The following ADAM28 variants were observed in gnomAD, a reference collection of about 807,000 sequenced individuals.
ADAM28 encodes ADAM metallopeptidase domain 28.
A neutral mutation model predicts 101.2 loss-of-function variants in ADAM28; 105 were observed. The ratio of observed to expected loss-of-function variants is 1.04; its 90% CI spans 0.89 to 1.22. The LOEUF is 1.22. Among genes scored for constraint, ADAM28 ranks in the 50% most tolerant of loss-of-function variants. The probability of loss-of-function intolerance (pLI) is 0.00; values close to 1 mark genes in which losing one functional copy is unlikely to be tolerated. For synonymous variants in ADAM28, 322 were observed against 310.6 expected (o/e 1.04, Z -0.39); for missense variants, 1,028 against 945.4 (o/e 1.09, Z -1.15).
chr8:24,316,072 T>A (rs1811122050), intron 6 of ADAM28, among the ~76,000 whole-genome samples: 1 of 151,148 alleles, frequency 6.6e-6, no homozygotes, highest in Non-Finnish European at 1.5e-5. Flanking sequence ...ATTTATTTAT[T>A]TATTTATTTA....
At position 24,351,313 on chromosome 8, in the gene ADAM28, G is replaced by A. The variant is rs757079663; in HGVS notation, c.2178+3G>A. 38 of 1,612,920 alleles carry A rather than the reference G, an allele frequency of 2.4e-5. No individual in the cohort carries two copies. The South Asian group carries it at 4.1e-4, about 17-fold the overall frequency. ...TAAAGGCTGTTCAACCCCAAGAGGT[G>A]AACTATATAGTCTGGGCTGTGATTA... On this transcript the variant is annotated splice_donor_region_variant and intron_variant, in intron 20 of 22. Transcript: ENST00000265769.
chr8:24,336,249 T>A, intron 14 of ADAM28: 1 of 863,102 alleles, frequency 1.2e-6, no homozygotes, highest in Non-Finnish European at 1.4e-6. Context: ...AATAAAAGTT[T>A]AAAGAGATAT....
At chr8:24,309,800 A>G in intron 2 of ADAM28, 94 bp from the exon 3 acceptor site, 4 of 948,136 alleles carry the variant, frequency 4.2e-6, no homozygotes, top group Admixed American at 4.4e-5. Flanking sequence ...CTGCTAAAAA[A>G]TAGATATTGC....
At chr8:24,325,046 G>A (rs1269895345) in intron 9 of ADAM28, 1 of 151,948 alleles carries the variant, frequency 6.6e-6, no homozygotes, top group Non-Finnish European at 1.5e-5. Flanking sequence ...CATTGAGGGG[G>A]TCACCTTTGG....
chr8:24,335,026 G>C (rs970616580), intron 13 of ADAM28, among the ~76,000 whole-genome samples: 5 of 152,182 alleles, frequency 3.3e-5, no homozygotes, highest in African/African-American at 4.8e-5. Flanking sequence ...GTGCTTGTAA[G>C]CTTATCTCCT....
intron 15 of ADAM28, among the ~76,000 whole-genome samples, chr8:24,339,786 G>A (rs1288778794): frequency 6.6e-6 from 1 of 152,190 alleles, no homozygotes; most frequent in African/African-American, 2.4e-5. Flanking sequence ...GTATCTCATG[G>A]TGGGTGCTTC....
At chr8:24,336,580 CAAAAAAAAA>C (rs769016133) in intron 14 of ADAM28, among the ~76,000 whole-genome samples, 1 of 61,642 alleles carries the variant, frequency 1.6e-5, no homozygotes, top group Non-Finnish European at 3.1e-5. Flanking sequence ...ACTCCGTCTC[CAAAAAAAAA>C]AAAAAAAAAA....
rs1180540232 is a variant in ADAM28 at position 24,355,643 on chromosome 8, G to GTGAT, written c.*1241_*1244dup. ...AGCTGGTACTGCTGCGCTCCACACG[G>GTGAT]TGATTATGAAGGCTGAAAAAGATAG... is the stretch of plus-strand genomic sequence containing the variant. On this transcript the variant is annotated 3_prime_UTR_variant, in exon 23 of 23. Coordinates refer to ENST00000265769, the MANE Select transcript of ADAM28 (RefSeq NM_014265.6). 7.8e-6 allele frequency: 1 copy of GTGAT among 128,532 alleles called. No homozygotes were observed. The highest frequency in any genetic ancestry group is 2.9e-5 in the African/African-American group (1 of 34,148). The allele number at this position is 128,532 out of a possible 1,614,324, so 8.0% of individuals were successfully genotyped here.
rs1409541691 is a variant in ADAM28, at chr8:24,355,251, G to GACTT, written c.*850_*853dup. 1 of 152,230 alleles carries GACTT rather than the reference G, an allele frequency of 6.6e-6. No individual in the cohort carries two copies. The highest frequency in any genetic ancestry group is 2.4e-5 in the African/African-American group (1 of 41,446). 9.4% of individuals were successfully genotyped at this position (152,230 alleles called of 1,614,324 possible). On this transcript the variant is annotated 3_prime_UTR_variant, in exon 23 of 23. Coordinates refer to ENST00000265769, the MANE Select transcript of ADAM28 (RefSeq NM_014265.6). The stretch of plus-strand genomic sequence containing the variant: ...GTAATCCGATGCTTTGTCAACAACA[G>GACTT]ACTTACATTGCCCATAGCAACCGTC...
chr8:24,311,002 G>C (rs1810386000), intron 4 of ADAM28, among the ~76,000 whole-genome samples: 2 of 152,164 alleles, frequency 1.3e-5, no homozygotes, highest in African/African-American at 4.8e-5. Context: ...GTAGATCTTT[G>C]CTAGAAAGAA....
chr8:24,325,887 A>AC lies in ADAM28; in HGVS notation c.891-667_891-666insC, dbSNP rs777636167. Among the ~76,000 whole-genome samples the AC allele has an allele frequency of 3.7e-5, 5 of 135,978 alleles. No homozygotes were observed. In the East Asian group the frequency reaches 9.5e-4, roughly 26 times the overall value. 89.2% of individuals were successfully genotyped at this position (135,978 alleles called of 152,430 possible). A position where few individuals can be genotyped will look rare whatever the true frequency, so the allele number is the denominator to read the frequency against. On this transcript the variant is annotated intron_variant, in intron 9 of 22. Transcript: ENST00000265769. ...TACAGATAGCAAAAAAAAAAAAAAA[A>AC]AAAAAAAAAAAAACCAAAAAACAAA...
chr8:24,306,363 A>AAT (rs543308272), intron 2 of ADAM28, among the ~76,000 whole-genome samples: 4,093 of 108,388 alleles, frequency 0.038, 215 homozygotes, highest in African/African-American at 0.1. Flanking sequence ...TAAATAAATA[A>AAT]ATATATATAT....
At chr8:24,310,613 T>C (rs1273780991) in intron 4 of ADAM28, among the ~76,000 whole-genome samples, 3 of 152,182 alleles carry the variant, frequency 2.0e-5, no homozygotes, top group African/African-American at 7.2e-5. Context: ...AATTGCAGAA[T>C]TGCTTTTCTT....
chr8:24,296,065 A>G (rs563712068), intron 1 of ADAM28: 1 of 152,348 alleles, frequency 6.6e-6, no homozygotes, highest in South Asian at 2.1e-4. Flanking sequence ...ATCCTAGGAA[A>G]AGGAAAAACA....
At chr8:24,341,990 T>C (rs551124411) in intron 16 of ADAM28, among the ~76,000 whole-genome samples, 4 of 152,282 alleles carry the variant, frequency 2.6e-5, no homozygotes, top group Admixed American at 6.5e-5. Flanking sequence ...GTGGTGAAAT[T>C]TGGAAATAAT....
rs1173236719 is a variant in ADAM28 at position 24,313,510 on chromosome 8, G to A, written c.506G>A (p.Cys169Tyr). The A allele has an allele frequency of 6.2e-7, 1 of 1,613,936 alleles. No homozygotes were observed. Among genetic ancestry groups the A allele is most frequent in the Non-Finnish European group, 8.5e-7 (1 of 1,179,874 alleles). ...NPDEKNYDST[C>Y]GMDGVLWAHD... is the part of the protein sequence containing the mutation. ...GATGAAAAGAATTATGACAGCACCT[G>A]TGGGATGGATGGTGTGTTGTGGGCC... Residue 169 changes from cysteine (C) to tyrosine (Y), a missense_variant, in exon 6 of 23, where the codon TGT (cysteine) becomes TAT (tyrosine). Physicochemically the swap from Cys to Tyr is radical, Grantham distance 194. Coordinates refer to ENST00000265769, the MANE Select transcript of ADAM28 (RefSeq NM_014265.6).
Position 24,309,894 on chromosome 8 carries a change from G to A in ADAM28, c.151G>A (p.Glu51Lys). Reference sequence around the variant, plus strand: ...AGTAAATGTTTGTGTATTTTTGCAGGAACAATTTGAAACTGAATTAAAGTA... The same window carrying A: ...AGTAAATGTTTGTGTATTTTTGCAGAAACAATTTGAAACTGAATTAAAGTA... Reference protein sequence around the residue: ...KREAKEPEQQEQFETELKYKM... With the variant: ...KREAKEPEQQKQFETELKYKM... The change falls in exon 3 of 23, where the codon GAA becomes AAA. Residue 51 changes from glutamate to lysine, a missense_variant and splice_region_variant. Transcript: ENST00000265769. 1 of 1,540,664 alleles carries A rather than the reference G, an allele frequency of 6.5e-7. No individual in the cohort carries two copies. The highest frequency in any genetic ancestry group is 8.9e-7 in the Non-Finnish European group (1 of 1,120,196).
Position 24,335,496 on chromosome 8 carries a change from G to A in ADAM28, c.1422G>A (p.Leu474=). The stretch of plus-strand genomic sequence containing the variant: ...GACCAGCAAAAGATGAGTGCGACCT[G>A]CCTGAAATGTGTAATGGTAAATCTG... ...VCRPAKDECD[L]PEMCNGKSGN... Residue 474 remains leucine, a synonymous_variant, in exon 14 of 23, where the codon CTG becomes CTA. Coordinates refer to ENST00000265769, the MANE Select transcript of ADAM28 (RefSeq NM_014265.6). 1 of 1,614,142 alleles carries A rather than the reference G, an allele frequency of 6.2e-7. No individual in the cohort carries two copies.
chr8:24,297,019 AAG>A (rs1235524389), intron 1 of ADAM28, among the ~76,000 whole-genome samples: 1 of 152,212 alleles, frequency 6.6e-6, no homozygotes, highest in Non-Finnish European at 1.5e-5. Flanking sequence ...TCCAGAAAAT[AAG>A]AGCCTTTAAG....
Sources: allele counts gnomAD v4.1 joint callset (sites outside exome capture counted in the v4.1 genomes callset), GRCh38; gene constraint gnomAD v4.1.1; transcripts MANE v1.5; gene names NCBI Gene and HGNC (gene_info 2026-07-23, HGNC 2026-07-21).